KCNAB1: variants seen among roughly 807,000 people sequenced by gnomAD.
KCNAB1 encodes voltage-gated potassium channel subunit beta-1.
A neutral mutation model predicts 64.6 loss-of-function variants in KCNAB1; 35 were observed. That is an observed-to-expected ratio of 0.54 (90% confidence interval 0.41 to 0.72). The LOEUF is 0.72. KCNAB1 is among the 30% of genes least tolerant of loss of function. KCNAB1 has a pLI of 0.00. For missense variants in KCNAB1, 401 were observed against 512.9 expected (o/e 0.78, Z 2.11); for synonymous variants, 177 against 183.8 (o/e 0.96, Z 0.30).
At chr3:156,437,185 G>C (rs559020820) in intron 2 of KCNAB1, among the ~76,000 whole-genome samples, 1 of 152,156 alleles carries the variant, frequency 6.6e-6, no homozygotes, top group African/African-American at 2.4e-5. Context: ...TATTCAGGGG[G>C]ATTAGTGGCT....
At chr3:156,422,072 C>T (rs538243629) in intron 2 of KCNAB1, among the ~76,000 whole-genome samples, 5 of 152,120 alleles carry the variant, frequency 3.3e-5, no homozygotes, top group Non-Finnish European at 7.4e-5. Context: ...TATTATTATG[C>T]ATTTTATATA....
chr3:156,277,642 C>T (rs1719422547), intron 1 of KCNAB1, among the ~76,000 whole-genome samples: 3 of 152,124 alleles, frequency 2.0e-5, no homozygotes, highest in Non-Finnish European at 2.9e-5. Flanking sequence ...ACCCATTCAT[C>T]CATTGAGAGG....
chr3:156,291,524 G>A (rs1720420143), intron 1 of KCNAB1: 1 of 1,081,464 alleles, frequency 9.2e-7, no homozygotes, highest in African/African-American at 1.6e-5. Flanking sequence ...GCTCCGCGAA[G>A]GGCTGCGTGC....
intron 1 of KCNAB1, among the ~76,000 whole-genome samples, chr3:156,275,998 C>T (rs956400817): frequency 6.6e-6 from 1 of 151,968 alleles, no homozygotes; most frequent in Admixed American, 6.6e-5. Flanking sequence ...ATTTTGCCCA[C>T]ATCCATCATA....
intron 1 of KCNAB1, among the ~76,000 whole-genome samples, chr3:156,133,879 C>T (rs1319312406): frequency 2.6e-5 from 4 of 151,358 alleles, no homozygotes; most frequent in East Asian, 3.9e-4. Context: ...AACATGTAAT[C>T]GGCAGCTTCA....
rs1036142117 is a variant in KCNAB1, at chr3:156,474,559, C to G, written c.572-175C>G. ...ACTTTTTTTATTGGGGGAAGTCAGC[C>G]TTTCATATATTTTTAAAACGTTCTA... On this transcript the variant is annotated intron_variant, in intron 7 of 13. Coordinates refer to ENST00000490337, the MANE Select transcript of KCNAB1 (RefSeq NM_172160.3). The G allele has an allele frequency of 1.8e-5, 8 of 449,518 alleles. No individual in the cohort carries two copies. The East Asian group carries it at 2.9e-4, about 17-fold the overall frequency. The allele number at this position is 449,518 out of a possible 1,614,324, so 27.8% of individuals were successfully genotyped here. A position where few individuals can be genotyped will look rare whatever the true frequency, so the allele number is the denominator to read the frequency against.
At chr3:156,290,383 A>G (rs903995933) in intron 1 of KCNAB1, among the ~76,000 whole-genome samples, 5 of 152,212 alleles carry the variant, frequency 3.3e-5, no homozygotes, top group Admixed American at 3.3e-4. Context: ...TCTGTTGGGA[A>G]CTACATTTAG....
chr3:156,521,627 C>T (rs1717944893), intron 11 of KCNAB1, among the ~76,000 whole-genome samples: 1 of 152,148 alleles, frequency 6.6e-6, no homozygotes, highest in Admixed American at 6.5e-5. Flanking sequence ...AGATTACTGT[C>T]CAGTCAGCAA....
In KCNAB1 at chr3:156,443,004, C is replaced by T. The variant is rs919169622; in HGVS notation, c.320-9895C>T. Among the ~76,000 whole-genome samples, 39 of 152,144 alleles carry T rather than the reference C, an allele frequency of 2.6e-4. 1 individual carries two copies. Among genetic ancestry groups the T allele is most frequent in the African/African-American group, 8.9e-4 (37 of 41,434 alleles). ...AAACATATGGAGTTCTTCATCTAGACAGCCAGTTTGGGGGCAGAGATAGGT... is the reference window on the plus strand; with the variant it reads ...AAACATATGGAGTTCTTCATCTAGATAGCCAGTTTGGGGGCAGAGATAGGT... On this transcript the variant is annotated intron_variant, in intron 2 of 13. Transcript: ENST00000490337.
At chr3:156,158,734 G>T (rs778667201) in intron 1 of KCNAB1, among the ~76,000 whole-genome samples, 2 of 152,202 alleles carry the variant, frequency 1.3e-5, no homozygotes, top group Non-Finnish European at 2.9e-5. Flanking sequence ...AGCTCCACAT[G>T]GTGGGTCTGT....
At position 156,157,813 on chromosome 3, in the gene KCNAB1, C is replaced by T. The variant is rs377162211; in HGVS notation, c.275+36927C>T. Among the ~76,000 whole-genome samples, 47 of 152,134 alleles carry T rather than the reference C, an allele frequency of 3.1e-4. No homozygotes were observed. In the South Asian group the frequency reaches 5.2e-3, roughly 17 times the overall value. The stretch of plus-strand genomic sequence containing the variant: ...GGATGAAAAACACACAAATATTAGC[C>T]GTTGCTATTTTTAGGCATTAGAAAG... On this transcript the variant is annotated intron_variant, in intron 1 of 13. Coordinates refer to ENST00000490337, the MANE Select transcript of KCNAB1 (RefSeq NM_172160.3).
chr3:156,172,336 A>G (rs969587893), intron 1 of KCNAB1, among the ~76,000 whole-genome samples: 8 of 147,242 alleles, frequency 5.4e-5, no homozygotes, highest in African/African-American at 1.0e-4. Context: ...CTGGAATGCC[A>G]TGGTGCAATC....
intron 1 of KCNAB1, among the ~76,000 whole-genome samples, chr3:156,220,843 G>A (rs1715677234): frequency 6.6e-6 from 1 of 152,178 alleles, no homozygotes; most frequent in Admixed American, 6.5e-5. Flanking sequence ...GGTTTTTATG[G>A]TGTGAGGTCT....
intron 8 of KCNAB1, among the ~76,000 whole-genome samples, chr3:156,503,012 A>C (rs954910880): frequency 3.3e-5 from 5 of 152,180 alleles, no homozygotes; most frequent in African/African-American, 1.2e-4. Context: ...ACTATTCACA[A>C]ATCCTATAGA....
intron 1 of KCNAB1, among the ~76,000 whole-genome samples, chr3:156,406,956 G>A (rs1285981887): frequency 6.6e-6 from 1 of 152,094 alleles, no homozygotes; most frequent in Non-Finnish European, 1.5e-5. Context: ...CCCAAGTGAA[G>A]GTTACCTAAC....
chr3:156,395,389 C>CA (rs1246007933), intron 1 of KCNAB1, among the ~76,000 whole-genome samples: 8 of 148,738 alleles, frequency 5.4e-5, no homozygotes, highest in Non-Finnish European at 8.9e-5. Flanking sequence ...ACTAAAAATA[C>CA]AAAAAATTAG....
chr3:156,157,930 G>A (rs964107301), intron 1 of KCNAB1, among the ~76,000 whole-genome samples: 23 of 151,990 alleles, frequency 1.5e-4, no homozygotes, highest in African/African-American at 5.1e-4. Context: ...TTGGGAGGCC[G>A]AGGCAGGGGG....
intron 1 of KCNAB1, among the ~76,000 whole-genome samples, chr3:156,224,111 G>A (rs577258784): frequency 1.6e-4 from 24 of 152,366 alleles, no homozygotes; most frequent in Admixed American, 8.5e-4. Flanking sequence ...GCTCAGTGCC[G>A]GTGGGCCAGC....
At chr3:156,381,687 G>GA (rs1351799528) in intron 1 of KCNAB1, among the ~76,000 whole-genome samples, 2 of 152,212 alleles carry the variant, frequency 1.3e-5, no homozygotes, top group Non-Finnish European at 2.9e-5. Flanking sequence ...GGATCTTGTG[G>GA]AAAATGGAGC....
Sources: allele counts gnomAD v4.1 joint callset (sites outside exome capture counted in the v4.1 genomes callset), GRCh38; gene constraint gnomAD v4.1.1; transcripts MANE v1.5; gene names NCBI Gene and HGNC (gene_info 2026-07-23, HGNC 2026-07-21).